The following XIRP2 variants were observed in gnomAD, a reference collection of about 807,000 sequenced individuals.
XIRP2 encodes the protein xin actin-binding repeat-containing protein 2.
XIRP2 carries 236 observed loss-of-function variants against 277.0 expected under a neutral mutation model. The observed-to-expected ratio is 0.85, with a 90% CI of 0.77 to 0.95. The LOEUF (loss-of-function observed/expected upper bound fraction) is 0.95. XIRP2 is among the 40% of genes least tolerant of loss of function. The pLI is 0.00. For synonymous variants in XIRP2, 1,490 were observed against 1,416.5 expected, an observed-to-expected ratio of 1.05 and a Z score of -1.17; for missense variants, 4,640 against 4,157.5, an observed-to-expected ratio of 1.12 and a Z score of -3.19.
In XIRP2 at chr2:167,253,358, G is replaced by T. The variant is rs546043303; in HGVS notation, c.10556-674G>T. ...AAGATGTAGGAAAACTACATAAGCAGATGCGAGAATCCAAAAAGCTCCACA... is the reference window on the plus strand; with the variant it reads ...AAGATGTAGGAAAACTACATAAGCATATGCGAGAATCCAAAAAGCTCCACA... On this transcript the variant is annotated intron_variant, in intron 9 of 10. Coordinates refer to ENST00000409195, the MANE Select transcript of XIRP2 (RefSeq NM_152381.6). 2.6e-5 allele frequency among the ~76,000 whole-genome samples: 4 copies of T among 151,912 alleles called. No homozygotes were observed. The South Asian group carries it at 8.3e-4, about 31-fold the overall frequency.
At chr2:166,968,585 G>A (rs1008824121) in intron 2 of XIRP2, among the ~76,000 whole-genome samples, 2 of 151,922 alleles carry the variant, frequency 1.3e-5, no homozygotes, top group African/African-American at 4.8e-5. Context: ...AAGCTGGAAG[G>A]AAACTTACTG....
chr2:167,226,189 T>C (rs974609882), intron 5 of XIRP2, among the ~76,000 whole-genome samples: 1 of 152,308 alleles, frequency 6.6e-6, no homozygotes, highest in East Asian at 1.9e-4. Context: ...GAGATACATA[T>C]TTCAGGAATT....
At chr2:167,097,059 G>T (rs891394747) in intron 2 of XIRP2, among the ~76,000 whole-genome samples, 2 of 152,218 alleles carry the variant, frequency 1.3e-5, no homozygotes, top group East Asian at 3.9e-4. Flanking sequence ...TGTCAATTAG[G>T]TTCACTAGGT....
intron 2 of XIRP2, among the ~76,000 whole-genome samples, chr2:167,111,421 A>G (rs953783171): frequency 6.6e-6 from 1 of 152,170 alleles, no homozygotes; most frequent in Non-Finnish European, 1.5e-5. Flanking sequence ...TTCTGCATCT[A>G]TTGAGATAAT....
intron 2 of XIRP2, among the ~76,000 whole-genome samples, chr2:167,087,634 T>C (rs1431053812): frequency 6.6e-6 from 1 of 152,228 alleles, no homozygotes; most frequent in Non-Finnish European, 1.5e-5. Flanking sequence ...GTGCGGGATA[T>C]AATCTCGTGG....
At chr2:167,185,901 A>G (rs930522509) in intron 3 of XIRP2, among the ~76,000 whole-genome samples, 12 of 152,196 alleles carry the variant, frequency 7.9e-5, no homozygotes, top group African/African-American at 2.9e-4. Context: ...ACAGATGAAT[A>G]AAGTGAAGCT....
At chr2:167,032,158 C>T (rs935709651) in intron 2 of XIRP2, among the ~76,000 whole-genome samples, 2 of 152,106 alleles carry the variant, frequency 1.3e-5, no homozygotes, top group Non-Finnish European at 1.5e-5. Context: ...CACACATCTA[C>T]AACCATCTGA....
intron 2 of XIRP2, among the ~76,000 whole-genome samples, chr2:167,117,129 TG>T (rs1043924861): frequency 1.3e-5 from 2 of 152,170 alleles, no homozygotes; most frequent in African/African-American, 4.8e-5. Context: ...ATTTATTACT[TG>T]GTTAATAGAA....
chr2:167,088,232 C>T (rs2105271850), intron 2 of XIRP2, among the ~76,000 whole-genome samples: 1 of 152,212 alleles, frequency 6.6e-6, no homozygotes, highest in Non-Finnish European at 1.5e-5. Context: ...TTTCCCTGCA[C>T]CATCCCCTAA....
chr2:167,020,592 C>T (rs1339819858), intron 2 of XIRP2, among the ~76,000 whole-genome samples: 1 of 151,834 alleles, frequency 6.6e-6, no homozygotes, highest in Non-Finnish European at 1.5e-5. Flanking sequence ...GTGTGTTCTA[C>T]CCAGACAATT....
At chr2:167,197,079 A>G (rs1171556284) in intron 3 of XIRP2, among the ~76,000 whole-genome samples, 2 of 152,216 alleles carry the variant, frequency 1.3e-5, no homozygotes, top group Non-Finnish European at 1.5e-5. Flanking sequence ...TTTCCAAGCA[A>G]ACATTTTTGC....
intron 2 of XIRP2, among the ~76,000 whole-genome samples, chr2:167,100,190 A>T (rs956574872): frequency 1.3e-5 from 2 of 152,138 alleles, no homozygotes; most frequent in African/African-American, 4.8e-5. Flanking sequence ...TTAAAAAAAA[A>T]TTACAAAATC....
At chr2:167,223,359 C>T (rs1694489233) in intron 5 of XIRP2, among the ~76,000 whole-genome samples, 1 of 152,124 alleles carries the variant, frequency 6.6e-6, no homozygotes, top group Admixed American at 6.6e-5. Flanking sequence ...CATTCCTGAC[C>T]TTTGCCCTGC....
chr2:167,179,347 G>A (rs866228998), intron 3 of XIRP2, among the ~76,000 whole-genome samples: 392 of 121,102 alleles, frequency 3.2e-3, no homozygotes, highest in African/African-American at 0.011. Flanking sequence ...TTGAGACAAA[G>A]TCTCTCCCTG....
chr2:167,136,960 C>T (rs531927771), intron 3 of XIRP2, among the ~76,000 whole-genome samples: 1 of 152,320 alleles, frequency 6.6e-6, no homozygotes, highest in East Asian at 1.9e-4. Flanking sequence ...TGCGAATCAG[C>T]ACGTCAGCAT....
At chr2:167,175,362 T>C (rs1692808689) in intron 3 of XIRP2, among the ~76,000 whole-genome samples, 1 of 152,146 alleles carries the variant, frequency 6.6e-6, no homozygotes, top group African/African-American at 2.4e-5. Context: ...TTCCTTTCTG[T>C]TTGTTAGTTT....
At chr2:167,186,965 C>A (rs1693173531) in intron 3 of XIRP2, among the ~76,000 whole-genome samples, 1 of 152,146 alleles carries the variant, frequency 6.6e-6, no homozygotes, top group Non-Finnish European at 1.5e-5. Flanking sequence ...CCCAAGAATT[C>A]ATGTTAATTA....
At chr2:167,139,259 A>G (rs1382553574) in intron 3 of XIRP2, among the ~76,000 whole-genome samples, 1 of 152,014 alleles carries the variant, frequency 6.6e-6, no homozygotes, top group Non-Finnish European at 1.5e-5. Flanking sequence ...AAAACTCTGG[A>G]TCAAGGAATG....
At chr2:167,121,763 T>C (rs1691064361) in intron 2 of XIRP2, among the ~76,000 whole-genome samples, 1 of 152,148 alleles carries the variant, frequency 6.6e-6, no homozygotes, top group Non-Finnish European at 1.5e-5. Context: ...GAAAATTAAC[T>C]GCCTAAATGT....
Sources: gnomAD v4.1 joint callset for allele counts (sites outside exome capture counted in the v4.1 genomes callset) on GRCh38, gnomAD v4.1.1 for gene constraint, MANE v1.5 for transcripts, NCBI Gene and HGNC (gene_info 2026-07-23, HGNC 2026-07-21) for gene names.